The following ZC3H12B variants were observed in gnomAD, a reference collection of about 807,000 sequenced individuals.
The protein encoded by ZC3H12B is probable ribonuclease ZC3H12B.
Under a neutral mutation model 43.9 loss-of-function variants are expected in ZC3H12B, and 7 were observed. The ratio of observed to expected loss-of-function variants is 0.16; its 90% CI spans 0.09 to 0.30. ZC3H12B has a LOEUF of 0.30. Ranked by LOEUF, ZC3H12B falls within the 10% of genes least tolerant of loss-of-function variation. ZC3H12B has a pLI of 1.00. For synonymous variants in ZC3H12B, 222 were observed against 241.7 expected (o/e 0.92, Z 0.76); for missense variants, 475 against 670.2 (o/e 0.71, Z 3.22).
chrX:65,461,146 C>A (rs2067738593), intron 3 of ZC3H12B, among the ~76,000 whole-genome samples: 1 of 112,067 alleles, frequency 8.9e-6, no homozygotes, highest in African/African-American at 3.3e-5. Flanking sequence ...CAAATCAAAA[C>A]CACAGTGAGA....
At chrX:65,257,388 G>C in the ZC3H12B span, among the ~76,000 whole-genome samples, 1 of 111,007 alleles carries the variant, frequency 9.0e-6, no homozygotes, top group African/African-American at 3.3e-5. Flanking sequence ...TCACTCATAG[G>C]TGGGAATTGA....
At chrX:65,135,755 T>C in the ZC3H12B span, among the ~76,000 whole-genome samples, 1 of 108,120 alleles carries the variant, frequency 9.2e-6, no homozygotes, top group African/African-American at 3.4e-5. Context: ...GTTTTCTTTT[T>C]TTTTTTTTTT....
At chrX:65,405,866 A>G (rs1479007258) in intron 3 of ZC3H12B, among the ~76,000 whole-genome samples, 1 of 111,797 alleles carries the variant, frequency 8.9e-6, no homozygotes, top group African/African-American at 3.2e-5. Context: ...TGATGAGCAA[A>G]TATATGCCAA....
At chrX:65,318,781 T>C in the ZC3H12B span, among the ~76,000 whole-genome samples, 1 of 108,045 alleles carries the variant, frequency 9.3e-6, no homozygotes, top group Non-Finnish European at 1.9e-5. Flanking sequence ...TTTGTTGGGA[T>C]TTTTTTTTTC....
the ZC3H12B span, among the ~76,000 whole-genome samples, chrX:65,067,769 TCTA>T: frequency 1.8e-5 from 2 of 111,338 alleles, no homozygotes; most frequent in African/African-American, 6.5e-5. Flanking sequence ...TTTCTTTTCT[TCTA>T]CTAATTTGCA....
the ZC3H12B span, among the ~76,000 whole-genome samples, chrX:65,332,880 T>G: frequency 8.9e-6 from 1 of 112,360 alleles, no homozygotes; most frequent in African/African-American, 3.2e-5. Flanking sequence ...TAAATCATGG[T>G]AAGACCAATT....
At chrX:65,078,987 A>G in the ZC3H12B span, among the ~76,000 whole-genome samples, 21 of 111,570 alleles carry the variant, frequency 1.9e-4, no homozygotes, top group Non-Finnish European at 3.8e-4. Flanking sequence ...TAATTTTTGT[A>G]CCCATTAATC....
At chrX:65,146,120 AT>A in the ZC3H12B span, among the ~76,000 whole-genome samples, 1 of 110,875 alleles carries the variant, frequency 9.0e-6, no homozygotes, top group African/African-American at 3.3e-5. Flanking sequence ...AACATCAATT[AT>A]TTTTAGGTTT....
At chrX:65,264,469 A>G in the ZC3H12B span, among the ~76,000 whole-genome samples, 1 of 111,839 alleles carries the variant, frequency 8.9e-6, no homozygotes, top group African/African-American at 3.2e-5. Context: ...TATTTACCTA[A>G]TTTTTATCTA....
At chrX:65,473,161 A>T (rs1174091614) in intron 3 of ZC3H12B, among the ~76,000 whole-genome samples, 5 of 106,523 alleles carry the variant, frequency 4.7e-5, no homozygotes, top group African/African-American at 1.7e-4. Context: ...TTACAGGTAC[A>T]TGCCACCACA....
At chrX:65,420,621 A>G (rs1445421651) in intron 3 of ZC3H12B, among the ~76,000 whole-genome samples, 1 of 112,307 alleles carries the variant, frequency 8.9e-6, no homozygotes, top group African/African-American at 3.2e-5. Flanking sequence ...AACCCTAAAG[A>G]AACAGAGACC....
the ZC3H12B span, among the ~76,000 whole-genome samples, chrX:65,192,603 A>C: frequency 9.0e-6 from 1 of 111,559 alleles, no homozygotes; most frequent in Non-Finnish European, 1.9e-5. Context: ...AGTTGAATTT[A>C]TCATATGATT....
chrX:65,212,245 T>A, the ZC3H12B span, among the ~76,000 whole-genome samples: 1 of 45,321 alleles, frequency 2.2e-5, no homozygotes, highest in African/African-American at 1.3e-4. Flanking sequence ...GTATAATTAT[T>A]ATATAATATA....
the ZC3H12B span, among the ~76,000 whole-genome samples, chrX:65,188,983 T>C: frequency 1.2e-5 from 1 of 81,058 alleles, no homozygotes; most frequent in Non-Finnish European, 2.3e-5. Context: ...AGTGTGATAT[T>C]CCCCTTCCTG....
chrX:65,096,393 G>A, the ZC3H12B span, among the ~76,000 whole-genome samples: 3 of 111,777 alleles, frequency 2.7e-5, no homozygotes, highest in Non-Finnish European at 5.6e-5. Flanking sequence ...ATTAAAAAAC[G>A]ATGATTAATA....
At chrX:65,159,632 A>C in the ZC3H12B span, among the ~76,000 whole-genome samples, 2 of 112,047 alleles carry the variant, frequency 1.8e-5, no homozygotes, top group African/African-American at 6.5e-5. Context: ...GACTTTGCTG[A>C]AGTTGCTTAT....
the ZC3H12B span, among the ~76,000 whole-genome samples, chrX:65,229,020 T>C: frequency 9.0e-6 from 1 of 111,116 alleles, no homozygotes; most frequent in South Asian, 3.8e-4. Flanking sequence ...CTTCACAGAA[T>C]TGGAAAAAAC....
At chrX:65,108,302 T>A in the ZC3H12B span, among the ~76,000 whole-genome samples, 1 of 112,053 alleles carries the variant, frequency 8.9e-6, no homozygotes, top group Admixed American at 9.5e-5. Flanking sequence ...TTTAATTTTT[T>A]AATTTATTTA....
At chrX:65,413,334 T>G (rs1198037076) in intron 3 of ZC3H12B, among the ~76,000 whole-genome samples, 2 of 111,827 alleles carry the variant, frequency 1.8e-5, no homozygotes, top group African/African-American at 6.5e-5. Flanking sequence ...GTTGTTGCTT[T>G]TCTTTTGGTT....
Sources: allele counts gnomAD v4.1 joint callset (sites outside exome capture counted in the v4.1 genomes callset), GRCh38; gene constraint gnomAD v4.1.1; transcripts MANE v1.5; gene names NCBI Gene and HGNC (gene_info 2026-07-23, HGNC 2026-07-21).